Variants in BICC1 observed in about 807,000 individuals in gnomAD.
BICC1 encodes the protein protein bicaudal C homolog 1.
Under a neutral mutation model 111.0 loss-of-function variants are expected in BICC1, and 43 were observed. The observed-to-expected ratio is 0.39, with a 90% CI of 0.30 to 0.50. The LOEUF is 0.50. Ranked by LOEUF, BICC1 falls within the 20% of genes least tolerant of loss-of-function variation. The probability of loss-of-function intolerance (pLI) is 0.88; values close to 1 mark genes in which losing one functional copy is unlikely to be tolerated. For synonymous variants in BICC1, 467 were observed against 434.4 expected (o/e 1.07, Z -0.93); for missense variants, 1,091 against 1,203.2 (o/e 0.91, Z 1.38).
intron 3 of BICC1, among the ~76,000 whole-genome samples, chr10:58,735,040 T>C (rs1219181533): frequency 3.9e-5 from 6 of 152,196 alleles, no homozygotes; most frequent in Non-Finnish European, 7.4e-5. Flanking sequence ...CTGACAAAGG[T>C]AGACAGTGAA....
intron 3 of BICC1, among the ~76,000 whole-genome samples, chr10:58,772,421 G>A (rs1481997063): frequency 6.6e-6 from 1 of 152,068 alleles, no homozygotes; most frequent in Non-Finnish European, 1.5e-5. Context: ...CAAATTTGGT[G>A]TTGTCCTATT....
chr10:58,820,299 G>C, intron 19 of BICC1, 70 bp from the exon 20 acceptor site: 1 of 1,034,582 alleles, frequency 9.7e-7, no homozygotes, highest in African/African-American at 1.6e-5. Context: ...GTGACAACAA[G>C]TTGATCCTAC....
chr10:58,702,255 ATGTT>A, intron 3 of BICC1, 112 bp downstream of exon 3: 3 of 738,826 alleles, frequency 4.1e-6, no homozygotes, highest in Non-Finnish European at 6.6e-6. Flanking sequence ...TTGTCCCAAA[ATGTT>A]TGTTAAGTAG....
chr10:58,672,076 TG>T (rs1839201175), intron 2 of BICC1, among the ~76,000 whole-genome samples: 1 of 152,176 alleles, frequency 6.6e-6, no homozygotes, highest in African/African-American at 2.4e-5. Context: ...GTTTTTATTG[TG>T]GTAGCATATA....
At chr10:58,539,641 A>G (rs976035546) in intron 1 of BICC1, among the ~76,000 whole-genome samples, 1 of 151,974 alleles carries the variant, frequency 6.6e-6, no homozygotes, top group Non-Finnish European at 1.5e-5. Flanking sequence ...AACACAAAAA[A>G]TATATAAGGC....
At chr10:58,759,755 C>T (rs1842253240) in intron 3 of BICC1, among the ~76,000 whole-genome samples, 3 of 151,956 alleles carry the variant, frequency 2.0e-5, no homozygotes, top group African/African-American at 7.2e-5. Flanking sequence ...GTCAGGAGAT[C>T]GAGACCATCC....
intron 2 of BICC1, among the ~76,000 whole-genome samples, chr10:58,652,509 C>T (rs140611492): frequency 6.6e-6 from 1 of 152,182 alleles, no homozygotes; most frequent in African/African-American, 2.4e-5. Flanking sequence ...AGAAAGATTA[C>T]CTGCTCATAG....
intron 1 of BICC1, among the ~76,000 whole-genome samples, chr10:58,516,746 A>G (rs1842252490): frequency 6.6e-6 from 1 of 152,204 alleles, no homozygotes; most frequent in Non-Finnish European, 1.5e-5. Context: ...TGTAAATTTC[A>G]TGCATCATGT....
At chr10:58,512,846 G>A (rs1842125810), upstream of BICC1, among the ~76,000 whole-genome samples, 1 of 148,932 alleles carries the variant, frequency 6.7e-6, no homozygotes, top group Admixed American at 6.7e-5. Flanking sequence ...CCCTGCGGAT[G>A]GAGGCGCGGG....
At chr10:58,707,560 C>A (rs893368758) in intron 3 of BICC1, among the ~76,000 whole-genome samples, 5 of 152,074 alleles carry the variant, frequency 3.3e-5, no homozygotes, top group African/African-American at 4.8e-5. Flanking sequence ...GACAGAGTCT[C>A]ACTCTGTCAC....
At chr10:58,782,139 C>T (rs371502362) in intron 3 of BICC1, among the ~76,000 whole-genome samples, 1 of 151,980 alleles carries the variant, frequency 6.6e-6, no homozygotes, top group African/African-American at 2.4e-5. Flanking sequence ...TTTTATTTTG[C>T]TTGTTGTTCT....
rs781023953 is a variant in BICC1 at position 58,800,847 on chromosome 10, A to G, written c.1859-43A>G. 3.3e-6 allele frequency: 5 copies of G among 1,532,676 alleles called. No homozygotes were observed. In the Admixed American group the frequency reaches 6.1e-5, roughly 19 times the overall value. The allele number at this position is 1,532,676 out of a possible 1,614,324, so 94.9% of individuals were successfully genotyped here. ...GCAGATAATTGTCAACTGGAAGGTGATGTTGTTTAGGTGTTTCACTTTTTT... is the reference window on the plus strand; with the variant it reads ...GCAGATAATTGTCAACTGGAAGGTGGTGTTGTTTAGGTGTTTCACTTTTTT... On this transcript the variant is annotated intron_variant, in intron 13 of 20. Transcript: ENST00000373886.
At chr10:58,648,151 A>C (rs1838326372) in intron 2 of BICC1, among the ~76,000 whole-genome samples, 1 of 152,240 alleles carries the variant, frequency 6.6e-6, no homozygotes, top group South Asian at 2.1e-4. Context: ...ATTAGGCATA[A>C]GTAAGGGCAG....
intron 2 of BICC1, among the ~76,000 whole-genome samples, chr10:58,669,225 A>T (rs912563138): frequency 5.9e-5 from 9 of 152,012 alleles, no homozygotes; most frequent in Non-Finnish European, 1.2e-4. Context: ...TCCAATGAGC[A>T]TTTCCTTTGA....
chr10:58,769,404 GTA>G (rs59606054), intron 3 of BICC1, among the ~76,000 whole-genome samples: 1,883 of 109,650 alleles, frequency 0.017, 26 homozygotes, highest in African/African-American at 0.032. Flanking sequence ...GTGTGTGTGT[GTA>G]TATATATATA....
Position 58,566,963 on chromosome 10 carries a change from A to G in BICC1, c.190+53630A>G, listed in dbSNP as rs183637559. On this transcript the variant is annotated intron_variant, in intron 1 of 20. Coordinates refer to ENST00000373886, the MANE Select transcript of BICC1 (RefSeq NM_001080512.3). Reference sequence around the variant, plus strand: ...TAGGCCACTTACTCTCTGACATTATAAGTATACAGCACAGTTGAAACCTGA... The same window carrying G: ...TAGGCCACTTACTCTCTGACATTATGAGTATACAGCACAGTTGAAACCTGA... 1.4e-3 allele frequency among the ~76,000 whole-genome samples: 213 copies of G among 152,240 alleles called. 1 individual carries two copies. The highest frequency in any genetic ancestry group is 3.4e-3 in the Middle Eastern group (1 of 294).
At chr10:58,633,640 T>A (rs1837863617) in intron 2 of BICC1, among the ~76,000 whole-genome samples, 1 of 152,200 alleles carries the variant, frequency 6.6e-6, no homozygotes, top group South Asian at 2.1e-4. Flanking sequence ...GAACTTTTGA[T>A]GATATGCAGT....
chr10:58,759,313 A>T (rs930706449), intron 3 of BICC1, among the ~76,000 whole-genome samples: 18 of 152,154 alleles, frequency 1.2e-4, no homozygotes, highest in African/African-American at 4.3e-4. Flanking sequence ...GATTCAATAT[A>T]AACAAATACA....
At chr10:58,536,531 A>G (rs986443661) in intron 1 of BICC1, among the ~76,000 whole-genome samples, 1 of 151,810 alleles carries the variant, frequency 6.6e-6, no homozygotes, top group Non-Finnish European at 1.5e-5. Context: ...TAACAATGAC[A>G]CAAGTTCTCA....
Sources: allele counts gnomAD v4.1 joint callset (sites outside exome capture counted in the v4.1 genomes callset), GRCh38; gene constraint gnomAD v4.1.1; transcripts MANE v1.5; gene names NCBI Gene and HGNC (gene_info 2026-07-23, HGNC 2026-07-21).